Variants in CILP2 observed in about 807,000 individuals in gnomAD.
CILP2 encodes CILP-2.
A neutral mutation model predicts 45.6 loss-of-function variants in CILP2; 38 were observed. The observed-to-expected ratio is 0.83, with a 90% CI of 0.64 to 1.09. The LOEUF (loss-of-function observed/expected upper bound fraction) is 1.09. Ranked by LOEUF, CILP2 falls within the 50% of genes least tolerant of loss-of-function variation. The pLI is 0.00. For missense variants in CILP2, 1,735 were observed against 1,662.2 expected, an observed-to-expected ratio of 1.04 and a Z score of -0.76; for synonymous variants, 780 against 723.5, an observed-to-expected ratio of 1.08 and a Z score of -1.25.
rs763187348 is a variant in CILP2, at chr19:19,545,384, G to A, written c.2839G>A (p.Gly947Ser). Residue 947 changes from glycine to serine, a missense_variant, in exon 8 of 8, where the codon GGT becomes AGT. By Grantham distance (56) the Gly-to-Ser change is moderately conservative. Coordinates refer to ENST00000291495, the MANE Select transcript of CILP2 (RefSeq NM_153221.2). ...CTGCTTCCTCAAGGTGAAGATCCAGGGTCCCCAGGAGTATATGGTCCGCTC... is the reference window on the plus strand; with the variant it reads ...CTGCTTCCTCAAGGTGAAGATCCAGAGTCCCCAGGAGTATATGGTCCGCTC... ...RACFLKVKIQ[G>S]PQEYMVRSHN... 3.1e-6 allele frequency: 5 copies of A among 1,612,536 alleles called. No homozygotes were observed. The South Asian group carries it at 4.4e-5, about 14-fold the overall frequency.
chr19:19,541,570 C>G (rs1206549583), intron 4 of CILP2, among the ~76,000 whole-genome samples: 2 of 152,190 alleles, frequency 1.3e-5, no homozygotes, highest in East Asian at 3.9e-4. Context: ...CCAGGGGGCT[C>G]TTGTGCAGGC....
intron 6 of CILP2, 107 bp from the exon 7 acceptor site, chr19:19,543,141 G>T: frequency 4.0e-6 from 5 of 1,247,990 alleles, no homozygotes; most frequent in Non-Finnish European, 5.7e-6. Flanking sequence ...TCTTGCTGGG[G>T]AGGAGGCTGA....
rs757128026 is a variant in CILP2, at chr19:19,540,169, C to T, written c.164-35C>T. 8 of 1,521,906 alleles carry T rather than the reference C, an allele frequency of 5.3e-6. No individual in the cohort carries two copies. In the Admixed American group the frequency reaches 6.1e-5, roughly 12 times the overall value. The allele number at this position is 1,521,906 out of a possible 1,614,324, so 94.3% of individuals were successfully genotyped here. ...CACGCATGCATGGGGGCCTACAGGC[C>T]GCCGCCCTGGTCCCAGCGCGTGCGG... On this transcript the variant is annotated intron_variant, in intron 2 of 7. Coordinates refer to ENST00000291495, the MANE Select transcript of CILP2 (RefSeq NM_153221.2).
rs202167271 is a variant in CILP2 at position 19,543,801 on chromosome 19, G to A, written c.1256G>A (p.Arg419His). The change falls in exon 8 of 8, where the codon CGC becomes CAC. Residue 419 changes from arginine (R) to histidine (H), a missense_variant. Arg to His is a conservative substitution (Grantham distance 29). Transcript: ENST00000291495. ...YLDVGLCPDT[R>H]CPSLAGSSPR... is the part of the protein sequence containing the mutation. ...GATGTGGGCCTCTGTCCCGACACCCGCTGCCCCAGCCTGGCAGGCTCCAGC... is the reference window on the plus strand; with the variant it reads ...GATGTGGGCCTCTGTCCCGACACCCACTGCCCCAGCCTGGCAGGCTCCAGC... 2.5e-5 allele frequency: 40 copies of A among 1,613,808 alleles called. 1 individual carries two copies. In the Admixed American group the frequency reaches 4.2e-4, roughly 17 times the overall value.
chr19:19,540,404 T>C lies in CILP2; in HGVS notation c.364T>C (p.Trp122Arg). 6.6e-7 allele frequency: 1 copy of C among 1,517,252 alleles called. No individual in the cohort carries two copies. Among genetic ancestry groups the C allele is most frequent in the Non-Finnish European group, 8.8e-7 (1 of 1,136,312 alleles). 94.0% of individuals were successfully genotyped at this position (1,517,252 alleles called of 1,614,324 possible). A position where few individuals can be genotyped will look rare whatever the true frequency, so the allele number is the denominator to read the frequency against. ...GCACTTGAACCCCACGCGCGGCTTC[T>C]GGTGCCTCAACCGCGAGCAACCGCG... ...RVHLNPTRGF[W>R]CLNREQPRGR... Residue 122 changes from tryptophan (W) to arginine (R), a missense_variant, in exon 3 of 8, where the codon TGG becomes CGG. Physicochemically the swap from Trp to Arg is moderately radical, Grantham distance 101 (BLOSUM62 -3). Transcript: ENST00000291495.
rs1312895932 is a variant in CILP2, at chr19:19,545,492, C to T, written c.2947C>T (p.Arg983Cys). 1.2e-6 allele frequency: 2 copies of T among 1,612,388 alleles called. No individual in the cohort carries two copies. The highest frequency in any genetic ancestry group is 1.7e-6 in the Non-Finnish European group (2 of 1,179,782). Residue 983 changes from arginine (R) to cysteine (C), a missense_variant, in exon 8 of 8, where the codon CGT becomes TGT. Coordinates refer to ENST00000291495, the MANE Select transcript of CILP2 (RefSeq NM_153221.2). ...TGCCCGGAGTGTGCGAGACCCCGAG[C>T]GTCCGGGCACCTCGGCAGCCTGCGT... ...RDARSVRDPERPGTSAACVEF... is the reference protein window; with the variant it reads ...RDARSVRDPECPGTSAACVEF...
At position 19,539,902 on chromosome 19, in the gene CILP2, C is replaced by T. The variant is rs1480617261; in HGVS notation, c.163+125C>T. ...AAGGGCCCGGCGCCGTCCTGGTCCC[C>T]GGACATGACAGCCCCTGGAGGTGAT... On this transcript the variant is annotated intron_variant, in intron 2 of 7. Coordinates refer to ENST00000291495, the MANE Select transcript of CILP2 (RefSeq NM_153221.2). The T allele has an allele frequency of 6.4e-6, 5 of 781,024 alleles. No homozygotes were observed. In the South Asian group the frequency reaches 6.5e-5, roughly 10 times the overall value. 48.4% of individuals were successfully genotyped at this position (781,024 alleles called of 1,614,324 possible).
rs746968360 is a variant in CILP2 at position 19,544,455 on chromosome 19, T to C, written c.1910T>C (p.Leu637Pro). 2 of 1,609,172 alleles carry C rather than the reference T, an allele frequency of 1.2e-6. No homozygotes were observed. Among genetic ancestry groups the C allele is most frequent in the Non-Finnish European group, 1.7e-6 (2 of 1,179,640 alleles). ...FVDSDGELAP[L>P]RTYGMFSVDL... ...GACAGCGACGGCGAGCTGGCTCCACTGCGCACCTACGGCATGTTCTCCGTG... is the reference window on the plus strand; with the variant it reads ...GACAGCGACGGCGAGCTGGCTCCACCGCGCACCTACGGCATGTTCTCCGTG... The change falls in exon 8 of 8, where the codon CTG becomes CCG. Residue 637 changes from leucine to proline, a missense_variant. Leu to Pro is a moderately conservative substitution (Grantham distance 98). Transcript: ENST00000291495.
intron 1 of CILP2, 80 bp from the exon 2 acceptor site, chr19:19,539,599 C>A: frequency 3.3e-6 from 3 of 904,702 alleles, no homozygotes; most frequent in Non-Finnish European, 4.8e-6. Flanking sequence ...ATGATCGTGG[C>A]TGCACCTTGC....
rs1158842139 is a variant in CILP2 at position 19,540,438 on chromosome 19, G to T, written c.398G>T (p.Arg133Leu). Residue 133 changes from arginine (R) to leucine (L), a missense_variant, in exon 3 of 8, where the codon CGC (arginine) becomes CTC (leucine). Arg to Leu is a moderately radical substitution (Grantham distance 102, BLOSUM62 -2). Transcript: ENST00000291495. ...AACCGCGAGCAACCGCGTGGCCGCC[G>T]CTGCTCCAACTACCACGTGCGCTTC... Reference protein sequence around the residue: ...CLNREQPRGRRCSNYHVRFRC... With the variant: ...CLNREQPRGRLCSNYHVRFRC... 5 of 1,471,728 alleles carry T rather than the reference G, an allele frequency of 3.4e-6. No individual in the cohort carries two copies. The African/African-American group carries it at 5.8e-5, about 17-fold the overall frequency. The allele number at this position is 1,471,728 out of a possible 1,614,324, so 91.2% of individuals were successfully genotyped here. A position where few individuals can be genotyped will look rare whatever the true frequency, so the allele number is the denominator to read the frequency against.
chr19:19,544,264 C>T lies in CILP2; in HGVS notation c.1719C>T (p.Gly573=), dbSNP rs1568370002. ...HTSQSNTIPL[G]ELEDEAPLGE... The stretch of plus-strand genomic sequence containing the variant: ...GCCAGAGCAACACGATCCCCCTGGG[C>T]GAGCTGGAAGATGAGGCGCCCCTGG... The change falls in exon 8 of 8, where the codon GGC becomes GGT. Residue 573 remains glycine, a synonymous_variant. Transcript: ENST00000291495. 1 of 1,613,632 alleles carries T rather than the reference C, an allele frequency of 6.2e-7. No homozygotes were observed. Among genetic ancestry groups the T allele is most frequent in the Non-Finnish European group, 8.5e-7 (1 of 1,180,010 alleles).
chr19:19,544,152 G>C lies in CILP2; in HGVS notation c.1607G>C (p.Arg536Pro), dbSNP rs750110042. Residue 536 changes from arginine (R) to proline (P), a missense_variant, in exon 8 of 8, where the codon CGG becomes CCG. Arg to Pro is a moderately radical substitution (Grantham distance 103). Coordinates refer to ENST00000291495, the MANE Select transcript of CILP2 (RefSeq NM_153221.2). ...AGCGGTGAGTTCATGGACGCTGTCC[G>C]GGTCTTGCCTTTTGATCCTCGAGGT... ...DPSGEFMDAV[R>P]VLPFDPRGAG... is the part of the protein sequence containing the mutation. 31 of 1,613,684 alleles carry C rather than the reference G, an allele frequency of 1.9e-5. No homozygotes were observed. The highest frequency in any genetic ancestry group is 2.2e-5 in the South Asian group (2 of 91,090).
In CILP2 at chr19:19,545,750, C is replaced by T. The variant is rs758499290; in HGVS notation, c.3205C>T (p.Pro1069Ser). 1 of 1,611,862 alleles carries T rather than the reference C, an allele frequency of 6.2e-7. No individual in the cohort carries two copies. The highest frequency in any genetic ancestry group is 1.1e-5 in the South Asian group (1 of 90,904). Residue 1069 changes from proline to serine, a missense_variant, in exon 8 of 8, where the codon CCA becomes TCA. By Grantham distance (74) the Pro-to-Ser change is moderately conservative. Coordinates refer to ENST00000291495, the MANE Select transcript of CILP2 (RefSeq NM_153221.2). ...CGTCTACACTGTCACTGACCAGAGC[C>T]CACGCTTGGCCAAGGAGATCGCCAT... ...YGVYTVTDQS[P>S]RLAKEIAIGR...
chr19:19,538,274 G>C lies in CILP2; in HGVS notation c.-76G>C. The C allele has an allele frequency of 7.1e-7, 1 of 1,399,866 alleles. No homozygotes were observed. Among genetic ancestry groups the C allele is most frequent in the African/African-American group, 1.5e-5 (1 of 67,578 alleles). The allele number at this position is 1,399,866 out of a possible 1,614,324, so 86.7% of individuals were successfully genotyped here. On this transcript the variant is annotated 5_prime_UTR_variant, in exon 1 of 8. Coordinates refer to ENST00000291495, the MANE Select transcript of CILP2 (RefSeq NM_153221.2). ...TCCCGCCCCCACTCTCAGTCCCAGC[G>C]GCCGCCAGACCCGCCGGAGTTGGAC...
In CILP2 at chr19:19,541,224, G is replaced by A; in HGVS notation, c.570G>A (p.Lys190=). The A allele has an allele frequency of 7.8e-7, 1 of 1,285,914 alleles. No individual in the cohort carries two copies. Among genetic ancestry groups the A allele is most frequent in the Non-Finnish European group, 9.8e-7 (1 of 1,015,278 alleles). The allele number at this position is 1,285,914 out of a possible 1,614,324, so 79.7% of individuals were successfully genotyped here. A position where few individuals can be genotyped will look rare whatever the true frequency, so the allele number is the denominator to read the frequency against. The part of the protein sequence containing the change: ...ACPGRPLEAQ[K]CVRPRCPGCS... ...CCGGGCGTCCTCTGGAGGCGCAGAA[G>A]TGCGTGCGGCCTCGGTGTCCAGGTA... is the stretch of plus-strand genomic sequence containing the variant. Residue 190 remains lysine, a synonymous_variant, in exon 4 of 8, where the codon AAG becomes AAA. Coordinates refer to ENST00000291495, the MANE Select transcript of CILP2 (RefSeq NM_153221.2).
intron 6 of CILP2, 92 bp from the exon 7 acceptor site, chr19:19,543,156 G>A (rs2061250534): frequency 7.1e-6 from 10 of 1,400,112 alleles, no homozygotes; most frequent in Non-Finnish European, 9.9e-6. Flanking sequence ...GGCTGACTTT[G>A]GCAAAGCCTC....
At chr19:19,540,561 G>A in intron 3 of CILP2, 85 bp downstream of exon 3, 1 of 1,181,474 alleles carries the variant, frequency 8.5e-7, no homozygotes, top group Non-Finnish European at 1.1e-6. Flanking sequence ...GGGTGGGGCT[G>A]GGAGGGGCAG....
At chr19:19,542,019 G>T (rs765964871) in intron 4 of CILP2, among the ~76,000 whole-genome samples, 7 of 152,200 alleles carry the variant, frequency 4.6e-5, no homozygotes, top group Non-Finnish European at 1.0e-4. Flanking sequence ...GGGGGCAGTT[G>T]TTCTCAGCCC....
rs1312895932 is a variant in CILP2 at position 19,545,492 on chromosome 19, C to G, written c.2947C>G (p.Arg983Gly). The change falls in exon 8 of 8, where the codon CGT (arginine) becomes GGT (glycine). Residue 983 changes from arginine (R) to glycine (G), a missense_variant. Coordinates refer to ENST00000291495, the MANE Select transcript of CILP2 (RefSeq NM_153221.2). ...RDARSVRDPE[R>G]PGTSAACVEF... The stretch of plus-strand genomic sequence containing the variant: ...TGCCCGGAGTGTGCGAGACCCCGAG[C>G]GTCCGGGCACCTCGGCAGCCTGCGT... The G allele has an allele frequency of 6.2e-7, 1 of 1,612,270 alleles. No homozygotes were observed. The highest frequency in any genetic ancestry group is 1.3e-5 in the African/African-American group (1 of 74,942).
Sources: allele counts gnomAD v4.1 joint callset (sites outside exome capture counted in the v4.1 genomes callset), GRCh38; gene constraint gnomAD v4.1.1; transcripts MANE v1.5; gene names NCBI Gene and HGNC (gene_info 2026-07-23, HGNC 2026-07-21).